The following PAPPA variants were observed in gnomAD, a reference collection of about 807,000 sequenced individuals.
PAPPA encodes pappalysin 1.
In PAPPA, 60 loss-of-function variants were observed where a neutral mutation model predicts 164.0. The observed-to-expected ratio is 0.37, with a 90% CI of 0.30 to 0.45. PAPPA has a LOEUF of 0.45. Ranked by LOEUF, PAPPA falls within the 20% of genes least tolerant of loss-of-function variation. The pLI is 1.00. For missense variants in PAPPA, 1,782 were observed against 2,087.3 expected (o/e 0.85, Z 2.85); for synonymous variants, 875 against 814.1 (o/e 1.07, Z -1.27).
chr9:116,236,606 AT>A lies in PAPPA; in HGVS notation c.2732+971del, dbSNP rs1413036292. On this transcript the variant is annotated intron_variant, in intron 7 of 21. Transcript: ENST00000328252. ...CATCTCAAAAAAAAAAAAAAAAAAAATTACTCACTTCTCAAGCCACCTCTCT... is the reference window on the plus strand; with the variant it reads ...CATCTCAAAAAAAAAAAAAAAAAAAATACTCACTTCTCAAGCCACCTCTCT... Among the ~76,000 whole-genome samples the A allele has an allele frequency of 5.3e-5, 8 of 150,910 alleles. No individual in the cohort carries two copies. In the East Asian group the frequency reaches 1.5e-3, roughly 29 times the overall value.
At chr9:116,171,774 G>C (rs961493526) in intron 1 of PAPPA, among the ~76,000 whole-genome samples, 3 of 152,186 alleles carry the variant, frequency 2.0e-5, no homozygotes, top group Admixed American at 1.3e-4. Context: ...TGGAGAGGCA[G>C]TCAGATGCTG....
chr9:116,389,616 C>A (rs2118722653), intron 21 of PAPPA, among the ~76,000 whole-genome samples: 1 of 152,176 alleles, frequency 6.6e-6, no homozygotes, highest in South Asian at 2.1e-4. Context: ...CTCAGGCATC[C>A]TTCTACTTTA....
intron 17 of PAPPA, among the ~76,000 whole-genome samples, chr9:116,354,692 C>T (rs1253905729): frequency 6.6e-6 from 1 of 152,182 alleles, no homozygotes; most frequent in South Asian, 2.1e-4. Context: ...TCCCCAATGC[C>T]ACTACCCTCA....
intron 19 of PAPPA, among the ~76,000 whole-genome samples, chr9:116,368,882 C>T (rs186528753): frequency 7.9e-5 from 12 of 152,228 alleles, no homozygotes; most frequent in South Asian, 2.1e-4. Context: ...GCTGAGGGCA[C>T]GATTGCCAGG....
chr9:116,229,834 G>C (rs1053505698), intron 6 of PAPPA, among the ~76,000 whole-genome samples: 1 of 152,214 alleles, frequency 6.6e-6, no homozygotes, highest in African/African-American at 2.4e-5. Context: ...GTGGCTGTGA[G>C]AATGGAGAGA....
At chr9:116,228,706 G>A (rs1046353657) in intron 6 of PAPPA, among the ~76,000 whole-genome samples, 8 of 152,152 alleles carry the variant, frequency 5.3e-5, no homozygotes, top group African/African-American at 1.9e-4. Flanking sequence ...AGAATCACAG[G>A]CTGTCAGACC....
Position 116,347,234 on chromosome 9 carries a change from C to A in PAPPA, c.3964+25C>A, listed in dbSNP as rs1247847367. 1.3e-6 allele frequency: 2 copies of A among 1,582,694 alleles called. No homozygotes were observed. Among genetic ancestry groups the A allele is most frequent in the African/African-American group, 2.7e-5 (2 of 74,286 alleles). On this transcript the variant is annotated intron_variant, in intron 15 of 21. Transcript: ENST00000328252. This position sits in a 1 kb window ranked among gnomAD's most constrained non-coding sequence, Gnocchi z 4.5. ...GGTATCAAGAACGCCTTCCCCAGCT[C>A]AGCCTTCCTTTGTCTATGGGAAACC... is the stretch of plus-strand genomic sequence containing the variant.
intron 2 of PAPPA, among the ~76,000 whole-genome samples, chr9:116,204,079 TGG>T (rs1844202961): frequency 6.6e-6 from 1 of 152,036 alleles, no homozygotes; most frequent in Non-Finnish European, 1.5e-5. Context: ...GACCAGGATA[TGG>T]GGGGCTCACA....
At chr9:116,279,777 C>A (rs1044387145) in intron 9 of PAPPA, among the ~76,000 whole-genome samples, 22 of 152,140 alleles carry the variant, frequency 1.4e-4, no homozygotes, top group African/African-American at 4.8e-4. Context: ...CTGAGGCGGA[C>A]TGGGAGAGGG....
chr9:116,224,862 C>T (rs1485285739), intron 5 of PAPPA, among the ~76,000 whole-genome samples: 1 of 152,108 alleles, frequency 6.6e-6, no homozygotes, highest in Non-Finnish European at 1.5e-5. Flanking sequence ...GCTTTGGTAT[C>T]CTGCATGTCT....
chr9:116,182,313 A>G (rs1273022128), intron 1 of PAPPA, among the ~76,000 whole-genome samples: 2 of 152,226 alleles, frequency 1.3e-5, no homozygotes, highest in Non-Finnish European at 2.9e-5. Flanking sequence ...TTAACTTTCA[A>G]TAACAAACTC....
At chr9:116,248,318 T>C (rs1211857073) in intron 7 of PAPPA, among the ~76,000 whole-genome samples, 2 of 152,244 alleles carry the variant, frequency 1.3e-5, no homozygotes, top group African/African-American at 4.8e-5. Context: ...TCCTGAAATT[T>C]TGTTGTGTCC....
intron 8 of PAPPA, among the ~76,000 whole-genome samples, chr9:116,268,308 G>C (rs1175358136): frequency 6.6e-6 from 1 of 152,206 alleles, no homozygotes; most frequent in Non-Finnish European, 1.5e-5. Context: ...ATTGGGGAAA[G>C]GGAAACTTCT....
rs376814359 is a variant in PAPPA at position 116,304,044 on chromosome 9, CTGAATGAA to C, written c.3147+1110_3147+1117del. On this transcript the variant is annotated intron_variant, in intron 10 of 21. Coordinates refer to ENST00000328252, the MANE Select transcript of PAPPA (RefSeq NM_002581.5). ...CTTAACAATGTATAGTGCCAGCCTG[CTGAATGAA>C]TGAATGAATGAATGAGTGCACAGAT... Among the ~76,000 whole-genome samples the C allele has an allele frequency of 7.5e-3, 1,137 of 152,232 alleles. 12 individuals are homozygous for C. Among genetic ancestry groups the C allele is most frequent in the African/African-American group, 0.026 (1,075 of 41,542 alleles).
rs1022472898 is a variant in PAPPA, at chr9:116,154,822, C to A, written c.415+235C>A. Among the ~76,000 whole-genome samples, 4 of 152,176 alleles carry A rather than the reference C, an allele frequency of 2.6e-5. No individual in the cohort carries two copies. The highest frequency in any genetic ancestry group is 1.9e-4 in the East Asian group (1 of 5,156). ...CATCCCTGGGAGGAACCTGGGGAGCCCTCCTGGCGGCCCCGCGGACCCTCG... is the reference window on the plus strand; with the variant it reads ...CATCCCTGGGAGGAACCTGGGGAGCACTCCTGGCGGCCCCGCGGACCCTCG... On this transcript the variant is annotated intron_variant, in intron 1 of 21. Transcript: ENST00000328252. The surrounding 1 kb of genome is among the most constrained non-coding windows in gnomAD (Gnocchi z 5.2).
rs1843579584 is a variant in PAPPA, at chr9:116,154,662, GGCGGGCGGGTCGGGGGCTT to G, written c.415+83_415+101del. Reference sequence around the variant, plus strand: ...GGCTCGCGGGTGTCTGGGCGCGGGTGGCGGGCGGGTCGGGGGCTTGCGGGCGTGTCTGTGCGAGAGCTGC... The same window carrying G: ...GGCTCGCGGGTGTCTGGGCGCGGGTGGCGGGCGTGTCTGTGCGAGAGCTGC... On this transcript the variant is annotated intron_variant, in intron 1 of 21. Transcript: ENST00000328252. This position sits in a 1 kb window ranked among gnomAD's most constrained non-coding sequence, Gnocchi z 5.2. 2 of 1,253,682 alleles carry G rather than the reference GGCGGGCGGGTCGGGGGCTT, an allele frequency of 1.6e-6. No individual in the cohort carries two copies. The highest frequency in any genetic ancestry group is 2.9e-5 in the South Asian group (1 of 33,940). 77.7% of individuals were successfully genotyped at this position (1,253,682 alleles called of 1,614,324 possible). A position where few individuals can be genotyped will look rare whatever the true frequency, so the allele number is the denominator to read the frequency against.
intron 20 of PAPPA, among the ~76,000 whole-genome samples, chr9:116,381,193 C>T (rs73518544): frequency 0.02 from 3,044 of 152,254 alleles, 103 homozygotes; most frequent in African/African-American, 0.07. Flanking sequence ...GATAAGGTCA[C>T]TTAACCAAAA....
At chr9:116,241,824 C>A (rs995408994) in intron 7 of PAPPA, among the ~76,000 whole-genome samples, 10 of 152,122 alleles carry the variant, frequency 6.6e-5, no homozygotes, top group African/African-American at 2.4e-4. Context: ...GTGGCTCTTA[C>A]ATGCTGTTTC....
chr9:116,289,139 T>TGC (rs1845385511), intron 9 of PAPPA, among the ~76,000 whole-genome samples: 5 of 41,588 alleles, frequency 1.2e-4, no homozygotes, highest in African/African-American at 4.3e-4. Flanking sequence ...TATATATATA[T>TGC]ATATATATAT....
Sources: gnomAD v4.1 joint callset for allele counts (sites outside exome capture counted in the v4.1 genomes callset) on GRCh38, gnomAD v4.1.1 for gene constraint, Gnocchi (gnomAD v3.1) non-coding constraint, MANE v1.5 for transcripts, NCBI Gene and HGNC (gene_info 2026-07-23, HGNC 2026-07-21) for gene names.